Variants in TSHZ1 observed in about 807,000 individuals in gnomAD.
TSHZ1 encodes the protein teashirt homolog 1.
Under a neutral mutation model 67.1 loss-of-function variants are expected in TSHZ1, and 12 were observed. That is an observed-to-expected ratio of 0.18 (90% CI 0.11 to 0.29). The LOEUF (loss-of-function observed/expected upper bound fraction) is 0.29. Ranked by LOEUF, TSHZ1 falls within the 10% of genes least tolerant of loss-of-function variation. TSHZ1 has a pLI of 1.00. For missense variants in TSHZ1, 1,305 were observed against 1,413.9 expected, an observed-to-expected ratio of 0.92 and a Z score of 1.23; for synonymous variants, 632 against 622.4, an observed-to-expected ratio of 1.02 and a Z score of -0.23.
At chr18:75,223,774 C>T (rs1471778318) in intron 1 of TSHZ1, among the ~76,000 whole-genome samples, 5 of 152,054 alleles carry the variant, frequency 3.3e-5, no homozygotes, top group Admixed American at 6.6e-5. Flanking sequence ...AAAATGAGCA[C>T]TAATCAATCT....
intron 1 of TSHZ1, among the ~76,000 whole-genome samples, chr18:75,269,791 AT>A (rs1451381533): frequency 6.6e-6 from 1 of 152,120 alleles, no homozygotes; most frequent in Non-Finnish European, 1.5e-5. Flanking sequence ...CTCGGTACCC[AT>A]TGAACAGTAC....
chr18:75,240,647 C>T (rs1024494417), intron 1 of TSHZ1, among the ~76,000 whole-genome samples: 13 of 152,176 alleles, frequency 8.5e-5, no homozygotes, highest in Admixed American at 6.5e-5. Flanking sequence ...GACATTGTGT[C>T]AGCTGGTCCT....
Position 75,288,201 on chromosome 18 carries a change from T to C in TSHZ1, c.2794T>C (p.Phe932Leu). ...GPQERVHISK[F>L]TGLSMTTISH... ...GCAGGAGAGGGTGCACATCTCGAAG[T>C]TTACTGGGCTCTCCATGACCACCAT... The change falls in exon 2 of 2, where the codon TTT becomes CTT. Residue 932 changes from phenylalanine to leucine, a missense_variant. By Grantham distance (22) the Phe-to-Leu change is conservative. Transcript: ENST00000580243. The surrounding 1 kb of genome is among the most constrained non-coding windows in gnomAD (Gnocchi z 4.9). 9 of 1,614,186 alleles carry C rather than the reference T, an allele frequency of 5.6e-6. No individual in the cohort carries two copies. Among genetic ancestry groups the C allele is most frequent in the Non-Finnish European group, 6.8e-6 (8 of 1,180,034 alleles).
intron 1 of TSHZ1, among the ~76,000 whole-genome samples, chr18:75,218,775 C>G (rs904069364): frequency 6.6e-6 from 1 of 152,218 alleles, no homozygotes; most frequent in African/African-American, 2.4e-5. Flanking sequence ...CTCAAGTTCA[C>G]AATGGACAAA....
At position 75,211,513 on chromosome 18, in the gene TSHZ1, CGGCGGGGA is replaced by C. The variant is rs1023005798; in HGVS notation, c.-358_-351del. On this transcript the variant is annotated 5_prime_UTR_variant, in exon 1 of 2. Transcript: ENST00000580243. ...GAGCGCCCGCCCAGCAGCAGCGCGG[CGGCGGGGA>C]GGCGGCAGCATGGAGCGCGGGCCGC... 6.9e-6 allele frequency: 1 copy of C among 145,930 alleles called. No individual in the cohort carries two copies. The highest frequency in any genetic ancestry group is 1.5e-5 in the Non-Finnish European group (1 of 65,940). 9.0% of individuals were successfully genotyped at this position (145,930 alleles called of 1,614,324 possible). A position where few individuals can be genotyped will look rare whatever the true frequency, so the allele number is the denominator to read the frequency against.
chr18:75,287,840 C>T lies in TSHZ1; in HGVS notation c.2433C>T (p.Asp811=), dbSNP rs1203748635. The change falls in exon 2 of 2, where the codon GAC becomes GAT. Residue 811 remains aspartate (D), a synonymous_variant. Transcript: ENST00000580243. The surrounding 1 kb of genome is among the most constrained non-coding windows in gnomAD (Gnocchi z 5.0). ...YYYENSDQPI[D]LTKSKNKPLV... ...ATGAAAACAGCGACCAGCCCATTGA[C>T]TTAACCAAGTCCAAGAACAAGCCGC... 3.7e-6 allele frequency: 6 copies of T among 1,614,166 alleles called. No individual in the cohort carries two copies. The highest frequency in any genetic ancestry group is 1.6e-4 in the Middle Eastern group (1 of 6,062).
intron 1 of TSHZ1, among the ~76,000 whole-genome samples, chr18:75,248,276 C>T (rs74179000): frequency 0.081 from 12,290 of 152,222 alleles, 593 homozygotes; most frequent in Non-Finnish European, 0.1. Flanking sequence ...GATTCTGGCG[C>T]AAGTTAATAA....
chr18:75,277,670 T>G (rs1204709404), intron 1 of TSHZ1, among the ~76,000 whole-genome samples: 2 of 152,138 alleles, frequency 1.3e-5, no homozygotes, highest in East Asian at 3.9e-4. Flanking sequence ...GCACTCATGC[T>G]GTTCTTGAGG....
At chr18:75,244,161 C>T (rs41507352) in intron 1 of TSHZ1, among the ~76,000 whole-genome samples, 2,985 of 152,224 alleles carry the variant, frequency 0.02, 46 homozygotes, top group South Asian at 0.039. Context: ...GAATAGGCAT[C>T]GTGCTCGGAG....
intron 1 of TSHZ1, among the ~76,000 whole-genome samples, chr18:75,271,475 C>G (rs1017344009): frequency 1.3e-5 from 2 of 152,180 alleles, no homozygotes; most frequent in Non-Finnish European, 2.9e-5. Flanking sequence ...ATTCACTTCT[C>G]TGGGTGCCCC....
intron 1 of TSHZ1, among the ~76,000 whole-genome samples, chr18:75,233,862 G>A (rs139150511): frequency 1.3e-5 from 2 of 152,236 alleles, no homozygotes; most frequent in African/African-American, 4.8e-5. Context: ...TGGAGGATGC[G>A]GTTCACTGGG....
Position 75,289,597 on chromosome 18 carries a change from A to G in TSHZ1, c.*956A>G, listed in dbSNP as rs1489943737. On this transcript the variant is annotated 3_prime_UTR_variant, in exon 2 of 2. Transcript: ENST00000580243. ...ATATCGTACCATTTTAATCTCTTCA[A>G]CTTTCTTTGTACCTTCTGGCTGTAT... 1.8e-5 allele frequency: 3 copies of G among 166,882 alleles called. No individual in the cohort carries two copies. The highest frequency in any genetic ancestry group is 2.9e-5 in the Non-Finnish European group (2 of 68,064). The allele number at this position is 166,882 out of a possible 1,614,324, so 10.3% of individuals were successfully genotyped here. A position where few individuals can be genotyped will look rare whatever the true frequency, so the allele number is the denominator to read the frequency against.
intron 1 of TSHZ1, among the ~76,000 whole-genome samples, chr18:75,246,415 T>TGTGTGTGTGTGTGTGTGG (rs2023224017): frequency 6.7e-6 from 1 of 148,348 alleles, no homozygotes; most frequent in Admixed American, 6.8e-5. Flanking sequence ...TGTGTGTGTG[T>TGTGTGTGTGTGTGTGTGG]GTGTGTGTGT....
chr18:75,271,764 C>T (rs551681833), intron 1 of TSHZ1, among the ~76,000 whole-genome samples: 5 of 137,812 alleles, frequency 3.6e-5, no homozygotes, highest in Admixed American at 7.3e-5. Flanking sequence ...ACCCCCTTAA[C>T]GCACCTGATC....
chr18:75,283,725 C>T (rs78263620), intron 1 of TSHZ1: 2,125 of 152,192 alleles, frequency 0.014, 27 homozygotes, highest in Non-Finnish European at 0.021. Context: ...TGTGTGTGTG[C>T]GTGTGCTTGT....
Position 75,235,060 on chromosome 18 carries a change from G to A in TSHZ1, c.40+23144G>A, listed in dbSNP as rs983614996. ...CCAGGGTTCCTGGTGCTTGTGAGCC[G>A]TCAGCGTGTCACACCCGTGTTGTGA... On this transcript the variant is annotated intron_variant, in intron 1 of 1. Coordinates refer to ENST00000580243, the MANE Select transcript of TSHZ1 (RefSeq NM_001308210.2). 4.6e-5 allele frequency among the ~76,000 whole-genome samples: 7 copies of A among 152,236 alleles called. No individual in the cohort carries two copies. The South Asian group carries it at 6.2e-4, about 14-fold the overall frequency.
intron 1 of TSHZ1, among the ~76,000 whole-genome samples, chr18:75,237,041 C>T (rs939943584): frequency 2.6e-5 from 4 of 152,120 alleles, no homozygotes; most frequent in Admixed American, 6.5e-5. Context: ...AGGGTAGCAG[C>T]GTGAGCCCTG....
intron 1 of TSHZ1, among the ~76,000 whole-genome samples, chr18:75,234,344 C>T (rs1020548193): frequency 6.6e-6 from 1 of 152,208 alleles, no homozygotes; most frequent in Non-Finnish European, 1.5e-5. Flanking sequence ...CATCCACTTC[C>T]TTATCTCTTG....
rs530328522 is a variant in TSHZ1 at position 75,210,900 on chromosome 18, G to C, written c.-977G>C. 34 of 151,312 alleles carry C rather than the reference G, an allele frequency of 2.2e-4. 1 individual carries two copies. The highest frequency in any genetic ancestry group is 1.8e-3 in the East Asian group (9 of 5,082). The allele number at this position is 151,312 out of a possible 1,614,324, so 9.4% of individuals were successfully genotyped here. ...TCCCTCTCTCCCAGGAGTTTGAGGG[G>C]GGGGGGGACAGTCCACGCTCATCTC... On this transcript the variant is annotated 5_prime_UTR_variant, in exon 1 of 2. Coordinates refer to ENST00000580243, the MANE Select transcript of TSHZ1 (RefSeq NM_001308210.2).
Sources: gnomAD v4.1 joint callset for allele counts (sites outside exome capture counted in the v4.1 genomes callset) on GRCh38, gnomAD v4.1.1 for gene constraint, Gnocchi (gnomAD v3.1) non-coding constraint, MANE v1.5 for transcripts, NCBI Gene and HGNC (gene_info 2026-07-23, HGNC 2026-07-21) for gene names.